Variants in ECT2 observed in about 807,000 individuals in gnomAD.
ECT2 encodes epithelial cell transforming 2.
Under a neutral mutation model 116.9 loss-of-function variants are expected in ECT2, and 61 were observed. That is an observed-to-expected ratio of 0.52 (90% CI 0.42 to 0.65). The LOEUF (loss-of-function observed/expected upper bound fraction) is 0.65. ECT2 is among the 30% of genes least tolerant of loss of function. The pLI, the probability that ECT2 is intolerant of heterozygous loss-of-function variation, is 0.00. For missense variants in ECT2, 937 were observed against 1,078.7 expected (o/e 0.87, Z 1.84); for synonymous variants, 358 against 346.4 (o/e 1.03, Z -0.37).
Position 172,756,998 on chromosome 3 carries a change from T to C in ECT2, c.319T>C (p.Phe107Leu). 6.2e-7 allele frequency: 1 copy of C among 1,605,098 alleles called. No individual in the cohort carries two copies. Reference protein sequence around the residue: ...SVINMDIKVGFVKMESVEEFE... With the variant: ...SVINMDIKVGLVKMESVEEFE... ...TGATGAAAAGGACATTAAAGTGGGCTTTGTAAAGATGGAGTCAGTGGAAGA... is the reference window on the plus strand; with the variant it reads ...TGATGAAAAGGACATTAAAGTGGGCCTTGTAAAGATGGAGTCAGTGGAAGA... Residue 107 changes from phenylalanine to leucine, a missense_variant, in exon 5 of 25, where the codon TTT (phenylalanine) becomes CTT (leucine). Phe to Leu is a conservative substitution (Grantham distance 22). Coordinates refer to ENST00000392692, the MANE Select transcript of ECT2 (RefSeq NM_001258315.2).
intron 18 of ECT2, among the ~76,000 whole-genome samples, chr3:172,794,829 G>T (rs113733672): frequency 2.0e-5 from 3 of 151,858 alleles, no homozygotes. Context: ...ATTCCCCAGC[G>T]TCAGCCTCCC....
chr3:172,765,732 C>G (rs998785969), intron 12 of ECT2, among the ~76,000 whole-genome samples: 6 of 152,136 alleles, frequency 3.9e-5, no homozygotes, highest in African/African-American at 9.7e-5. Flanking sequence ...TAATGGCTTT[C>G]TATTACTGTA....
chr3:172,761,642 G>A lies in ECT2; in HGVS notation c.717G>A (p.Lys239=), dbSNP rs773940377. Residue 239 remains lysine, a synonymous_variant, in exon 8 of 25, where the codon AAG becomes AAA. Transcript: ENST00000392692. The part of the protein sequence containing the change: ...VAVSLGTPIM[K]PEWIYKAWER... ...TGAGTCTAGGTACTCCAATTATGAA[G>A]CCAGAATGGATTTATAAAGCTTGGG... is the stretch of plus-strand genomic sequence containing the variant. The A allele has an allele frequency of 2.7e-5, 43 of 1,611,412 alleles. No individual in the cohort carries two copies. In the East Asian group the frequency reaches 8.7e-4, roughly 33 times the overall value.
intron 7 of ECT2, among the ~76,000 whole-genome samples, chr3:172,760,666 CA>C (rs1466307791): frequency 7.1e-6 from 1 of 140,026 alleles, no homozygotes; most frequent in Non-Finnish European, 1.5e-5. Context: ...AGATGAATAA[CA>C]TTGTAGGAAT....
intron 18 of ECT2, among the ~76,000 whole-genome samples, chr3:172,791,061 C>T (rs1007687841): frequency 1.3e-5 from 2 of 152,122 alleles, no homozygotes; most frequent in Admixed American, 6.5e-5. Flanking sequence ...GGGATTTCAA[C>T]GAGAGTTGCT....
intron 13 of ECT2, among the ~76,000 whole-genome samples, chr3:172,773,283 T>TTGTGA (rs1720992132): frequency 6.6e-6 from 1 of 152,266 alleles, no homozygotes; most frequent in African/African-American, 2.4e-5. Context: ...GTGATACTAT[T>TTGTGA]TACATTATAT....
At chr3:172,815,575 A>C (rs979082405) in intron 22 of ECT2, 29 bp from the exon 23 acceptor site, 4 of 1,379,964 alleles carry the variant, frequency 2.9e-6, no homozygotes, top group Non-Finnish European at 4.0e-6. Flanking sequence ...TGTGTTTTTA[A>C]GATAACAAAA....
At chr3:172,756,863 TC>T in intron 4 of ECT2, 119 bp from the exon 5 acceptor site, 1 of 856,494 alleles carries the variant, frequency 1.2e-6, no homozygotes, top group Non-Finnish European at 1.8e-6. Flanking sequence ...AAACTTATTT[TC>T]TACAAATATA....
intron 18 of ECT2, among the ~76,000 whole-genome samples, chr3:172,792,537 G>T (rs1724874056): frequency 7.0e-6 from 1 of 143,696 alleles, no homozygotes; most frequent in Non-Finnish European, 1.5e-5. Context: ...ATTTTCCATT[G>T]TATGGCTATA....
intron 18 of ECT2, among the ~76,000 whole-genome samples, chr3:172,800,126 G>C (rs1235837566): frequency 6.6e-6 from 1 of 152,166 alleles, no homozygotes; most frequent in African/African-American, 2.4e-5. Context: ...TTGATCAAAG[G>C]GGGGAAATGT....
chr3:172,783,967 C>CA, intron 16 of ECT2, 58 bp downstream of exon 16: 1 of 1,160,588 alleles, frequency 8.6e-7, no homozygotes, highest in Non-Finnish European at 1.2e-6. Flanking sequence ...TAATTCACCA[C>CA]AATTATGACA....
chr3:172,780,315 A>G (rs1308192422), intron 14 of ECT2, among the ~76,000 whole-genome samples: 1 of 152,140 alleles, frequency 6.6e-6, no homozygotes, highest in Admixed American at 6.5e-5. Context: ...ATTCCATTAT[A>G]TGGCTATACT....
At chr3:172,762,383 A>ATT (rs10654513) in intron 8 of ECT2, 33 bp from the exon 9 acceptor site, 865,745 of 1,570,752 alleles carry the variant, frequency 0.55, 247,328 homozygotes, top group East Asian at 0.68. Context: ...ATTTAAGTTA[A>ATT]ACTGGTTTTG....
chr3:172,778,849 C>A (rs1195478303), intron 14 of ECT2, among the ~76,000 whole-genome samples: 1 of 152,074 alleles, frequency 6.6e-6, no homozygotes, highest in Non-Finnish European at 1.5e-5. Context: ...CCCGCCTCGG[C>A]CTCCCAAAGT....
At chr3:172,796,792 G>A (rs1363260144) in intron 18 of ECT2, among the ~76,000 whole-genome samples, 1 of 152,030 alleles carries the variant, frequency 6.6e-6, no homozygotes, top group Non-Finnish European at 1.5e-5. Flanking sequence ...TCTGCCTCCT[G>A]AGTAGCTGGG....
At chr3:172,775,315 T>C (rs891354854) in intron 14 of ECT2, among the ~76,000 whole-genome samples, 4 of 152,208 alleles carry the variant, frequency 2.6e-5, no homozygotes, top group Non-Finnish European at 4.4e-5. Context: ...AAGATTGTTT[T>C]TTATTTTAGT....
downstream of ECT2, among the ~76,000 whole-genome samples, chr3:172,825,052 T>C (rs142358962): frequency 2.7e-3 from 404 of 152,352 alleles, 2 homozygotes; most frequent in African/African-American, 9.2e-3. Context: ...GCACAGTGTT[T>C]CCAACAGCAT....
Position 172,792,432 on chromosome 3 carries a change from C to T in ECT2, c.1907+5858C>T, listed in dbSNP as rs111241931. 6.6e-3 allele frequency among the ~76,000 whole-genome samples: 922 copies of T among 140,668 alleles called. 14 individuals carry two copies. Among genetic ancestry groups the T allele is most frequent in the African/African-American group, 0.023 (886 of 38,892 alleles). 92.3% of individuals were successfully genotyped at this position (140,668 alleles called of 152,430 possible). ...TATGCACTTTCTATGATTTTATGTA[C>T]GTGGAGTCTTTTATCTGGCTTTTTT... On this transcript the variant is annotated intron_variant, in intron 18 of 24. Coordinates refer to ENST00000392692, the MANE Select transcript of ECT2 (RefSeq NM_001258315.2).
intron 23 of ECT2, among the ~76,000 whole-genome samples, 174 bp downstream of exon 23, chr3:172,815,885 C>T (rs1353646320): frequency 5.3e-5 from 8 of 152,178 alleles, no homozygotes; most frequent in Admixed American, 1.3e-4. Context: ...TTCCTTGCCA[C>T]AGTAACTATA....
Sources: gnomAD v4.1 joint callset for allele counts (sites outside exome capture counted in the v4.1 genomes callset) on GRCh38, gnomAD v4.1.1 for gene constraint, MANE v1.5 for transcripts, NCBI Gene and HGNC (gene_info 2026-07-23, HGNC 2026-07-21) for gene names.